OPCML: variants seen among roughly 807,000 people sequenced by gnomAD.
The protein encoded by OPCML is opioid binding protein/cell adhesion molecule like, also known as opioid-binding protein/cell adhesion molecule.
OPCML carries 13 observed loss-of-function variants against 37.8 expected under a neutral mutation model. The ratio of observed to expected loss-of-function variants is 0.34; its 90% CI spans 0.22 to 0.55. The LOEUF (loss-of-function observed/expected upper bound fraction) is 0.55. OPCML is among the 20% of genes least tolerant of loss of function. OPCML has a pLI of 0.91. For synonymous variants in OPCML, 176 were observed against 168.8 expected, an observed-to-expected ratio of 1.04 and a Z score of -0.33; for missense variants, 341 against 435.6, an observed-to-expected ratio of 0.78 and a Z score of 1.93.
chr11:132,740,201 G>A (rs1343243707), intron 2 of OPCML, among the ~76,000 whole-genome samples: 1 of 152,164 alleles, frequency 6.6e-6, no homozygotes, highest in Admixed American at 6.5e-5. Flanking sequence ...AACTGAAGGA[G>A]TGAAACTAAC....
intron 1 of OPCML, among the ~76,000 whole-genome samples, chr11:133,274,743 T>C (rs1028682078): frequency 6.6e-6 from 1 of 152,230 alleles, no homozygotes; most frequent in African/African-American, 2.4e-5. Context: ...GCGGCCTCTA[T>C]GTTACCATCC....
chr11:132,695,848 A>G (rs1444288871), intron 2 of OPCML, among the ~76,000 whole-genome samples: 1 of 152,218 alleles, frequency 6.6e-6, no homozygotes, highest in African/African-American at 2.4e-5. Context: ...TGAACAAGAC[A>G]CAAGGAAGCC....
rs369104768 is a variant in OPCML, at chr11:132,571,426, CCTGA to C, written c.380-42244_380-42241del. Among the ~76,000 whole-genome samples the C allele has an allele frequency of 1.4e-4, 21 of 152,254 alleles. No individual in the cohort carries two copies. In the East Asian group the frequency reaches 3.3e-3, roughly 24 times the overall value. On this transcript the variant is annotated intron_variant, in intron 3 of 7. Transcript: ENST00000524381. Reference sequence around the variant, plus strand: ...TATTACTTTTGTCCCTCTGGAGAACCCTGACTAATATACCTTAGCTTCCAGTAAC... The same window carrying C: ...TATTACTTTTGTCCCTCTGGAGAACCCTAATATACCTTAGCTTCCAGTAAC...
rs553997116 is a variant in OPCML at position 133,161,781 on chromosome 11, G to A, written c.62-218771C>T. On this transcript the variant is annotated intron_variant, in intron 1 of 7. Coordinates refer to ENST00000524381, the MANE Select transcript of OPCML (RefSeq NM_001012393.5). ...CTACCCTCAAGAAACACAATTCTAC[G>A]CATATCTTGGGATTTCAATGCATCT... is the stretch of plus-strand genomic sequence containing the variant. Among the ~76,000 whole-genome samples the A allele has an allele frequency of 9.2e-5, 14 of 152,174 alleles. No homozygotes were observed. In the South Asian group the frequency reaches 1.9e-3, roughly 20 times the overall value.
chr11:132,564,299 C>A (rs1228455063), intron 3 of OPCML, among the ~76,000 whole-genome samples: 2 of 152,212 alleles, frequency 1.3e-5, no homozygotes, highest in Non-Finnish European at 2.9e-5. Context: ...TGAGGTGGCA[C>A]TTGACAGTGT....
chr11:133,452,539 G>A (rs1309835024), intron 1 of OPCML, among the ~76,000 whole-genome samples: 2 of 151,478 alleles, frequency 1.3e-5, no homozygotes, highest in Admixed American at 6.6e-5. Flanking sequence ...CAGGCCAGGT[G>A]CAGTGGCTCA....
rs560369495 is a variant in OPCML at position 133,413,502 on chromosome 11, A to T, written c.61+118762T>A. 2.0e-4 allele frequency among the ~76,000 whole-genome samples: 30 copies of T among 151,790 alleles called. No individual in the cohort carries two copies. The East Asian group carries it at 2.3e-3, about 12-fold the overall frequency. ...ATAATAAAAAATAAATAAATAAATA[A>T]ATATATAAAAACAAACAAAAAAAAG... is the stretch of plus-strand genomic sequence containing the variant. On this transcript the variant is annotated intron_variant, in intron 1 of 7. Transcript: ENST00000524381.
At chr11:132,929,538 A>AACTC (rs1264092082) in intron 2 of OPCML, among the ~76,000 whole-genome samples, 1 of 152,176 alleles carries the variant, frequency 6.6e-6, no homozygotes, top group African/African-American at 2.4e-5. Flanking sequence ...AACACTTCCA[A>AACTC]ACTCACTCTA....
At chr11:133,467,465 T>C (rs1591533533) in intron 1 of OPCML, among the ~76,000 whole-genome samples, 1 of 152,210 alleles carries the variant, frequency 6.6e-6, no homozygotes, top group East Asian at 1.9e-4. Flanking sequence ...ATACTTATAG[T>C]TATTTATCAT....
At chr11:133,164,107 T>C (rs532545097) in intron 1 of OPCML, among the ~76,000 whole-genome samples, 1 of 152,350 alleles carries the variant, frequency 6.6e-6, no homozygotes, top group East Asian at 1.9e-4. Flanking sequence ...GCTCCTGTAT[T>C]AAGTGACCTT....
At chr11:132,976,021 C>T (rs777248063) in intron 1 of OPCML, among the ~76,000 whole-genome samples, 4 of 152,184 alleles carry the variant, frequency 2.6e-5, no homozygotes, top group Non-Finnish European at 5.9e-5. Flanking sequence ...CCGCCCACCT[C>T]GGCCTAGCTA....
chr11:133,144,131 C>T (rs2137173696), intron 1 of OPCML, among the ~76,000 whole-genome samples: 1 of 152,326 alleles, frequency 6.6e-6, no homozygotes, highest in Non-Finnish European at 1.5e-5. Context: ...GGAGGGACAA[C>T]TCCCTTTTTC....
intron 3 of OPCML, among the ~76,000 whole-genome samples, chr11:132,618,439 G>C (rs548826207): frequency 5.3e-5 from 8 of 152,206 alleles, no homozygotes; most frequent in African/African-American, 1.9e-4. Flanking sequence ...GGAGGCGTAG[G>C]TTGCAGTGAG....
intron 1 of OPCML, among the ~76,000 whole-genome samples, chr11:133,180,675 C>T (rs1295959414): frequency 1.3e-5 from 2 of 151,950 alleles, no homozygotes; most frequent in Non-Finnish European, 2.9e-5. Flanking sequence ...GTAGGATGAG[C>T]GTCCTACCTT....
chr11:132,551,658 A>G (rs1367305926), intron 3 of OPCML, among the ~76,000 whole-genome samples: 1 of 152,114 alleles, frequency 6.6e-6, no homozygotes, highest in Non-Finnish European at 1.5e-5. Context: ...TAGCCCCTCC[A>G]CCCAGGAACT....
At chr11:133,421,358 A>G (rs1303507165) in intron 1 of OPCML, 1 of 985,322 alleles carries the variant, frequency 1.0e-6, no homozygotes, top group Non-Finnish European at 1.2e-6. Context: ...CAAGCCATCA[A>G]GATGGAGAAC....
intron 2 of OPCML, among the ~76,000 whole-genome samples, chr11:132,800,394 A>ATGTT (rs955377476): frequency 6.6e-6 from 1 of 152,104 alleles, no homozygotes; most frequent in Non-Finnish European, 1.5e-5. Flanking sequence ...AAATTTGTTT[A>ATGTT]TGTTTGTTTG....
chr11:133,098,553 T>A (rs1277052515), intron 1 of OPCML, among the ~76,000 whole-genome samples: 1 of 152,112 alleles, frequency 6.6e-6, no homozygotes, highest in Non-Finnish European at 1.5e-5. Context: ...ATGCTATTCA[T>A]CACATCAACA....
At chr11:132,919,648 T>G (rs1944722367) in intron 2 of OPCML, among the ~76,000 whole-genome samples, 1 of 152,172 alleles carries the variant, frequency 6.6e-6, no homozygotes, top group Non-Finnish European at 1.5e-5. Flanking sequence ...AGGTAGAGCC[T>G]GATGACACAC....
Sources: gnomAD v4.1 joint callset for allele counts (sites outside exome capture counted in the v4.1 genomes callset) on GRCh38, gnomAD v4.1.1 for gene constraint, MANE v1.5 for transcripts, NCBI Gene and HGNC (gene_info 2026-07-23, HGNC 2026-07-21) for gene names.